ENTREP2: variants seen among roughly 807,000 people sequenced by gnomAD.
The protein encoded by ENTREP2 is protein ENTREP2.
chr15:29,381,930 G>A, the ENTREP2 span: 13 of 1,093,042 alleles, frequency 1.2e-5, no homozygotes, highest in African/African-American at 2.0e-4. Context: ...AGGACGTGTG[G>A]AACACAGCAC....
the ENTREP2 span, among the ~76,000 whole-genome samples, chr15:29,607,122 C>T: frequency 1.8e-4 from 28 of 152,280 alleles, no homozygotes; most frequent in East Asian, 1.2e-3. Context: ...CATGAGCCAC[C>T]GCATTCACAT....
chr15:29,577,313 G>GGTGTGTGT, the ENTREP2 span, among the ~76,000 whole-genome samples: 19,759 of 139,554 alleles, frequency 0.14, 1,475 homozygotes, highest in Admixed American at 0.18. Context: ...GACTCAAAGA[G>GGTGTGTGT]GTGTGTGTGT....
chr15:29,526,194 G>C, the ENTREP2 span, among the ~76,000 whole-genome samples: 1 of 152,150 alleles, frequency 6.6e-6, no homozygotes, highest in Non-Finnish European at 1.5e-5. Context: ...CTTTTCTGTA[G>C]AGTGAACTGA....
the ENTREP2 span, among the ~76,000 whole-genome samples, chr15:29,479,235 G>T: frequency 2.1e-5 from 3 of 146,248 alleles, no homozygotes; most frequent in South Asian, 6.5e-4. Context: ...AAAGTGTGTG[G>T]CACCTCTCCG....
At chr15:29,140,177 C>G in the ENTREP2 span, among the ~76,000 whole-genome samples, 1 of 152,208 alleles carries the variant, frequency 6.6e-6, no homozygotes, top group Non-Finnish European at 1.5e-5. Flanking sequence ...GTAACCTGCT[C>G]CCCGTAACTG....
the ENTREP2 span, among the ~76,000 whole-genome samples, chr15:29,620,974 G>C: frequency 6.6e-6 from 1 of 152,106 alleles, no homozygotes; most frequent in Non-Finnish European, 1.5e-5. Flanking sequence ...ATTATCCCAG[G>C]CATGTGGGAG....
chr15:29,611,991 C>G, the ENTREP2 span, among the ~76,000 whole-genome samples: 1 of 152,162 alleles, frequency 6.6e-6, no homozygotes, highest in African/African-American at 2.4e-5. Context: ...ATCAAATTCC[C>G]AAAATATGTG....
At chr15:29,526,491 T>C in the ENTREP2 span, among the ~76,000 whole-genome samples, 2 of 152,034 alleles carry the variant, frequency 1.3e-5, no homozygotes, top group South Asian at 4.2e-4. Flanking sequence ...AGAGACAGGG[T>C]TTCATTCCAT....
At chr15:29,507,219 T>C in the ENTREP2 span, among the ~76,000 whole-genome samples, 2 of 152,180 alleles carry the variant, frequency 1.3e-5, no homozygotes, top group Admixed American at 6.6e-5. Context: ...ATCCTAAATA[T>C]AGATGCACAC....
the ENTREP2 span, among the ~76,000 whole-genome samples, chr15:29,600,086 A>G: frequency 1.3e-5 from 2 of 152,260 alleles, no homozygotes; most frequent in Admixed American, 1.3e-4. Flanking sequence ...TAGCCTCTAT[A>G]CGGCTGGTGA....
At chr15:29,571,826 ACT>A in the ENTREP2 span, among the ~76,000 whole-genome samples, 1 of 152,022 alleles carries the variant, frequency 6.6e-6, no homozygotes, top group African/African-American at 2.4e-5. Flanking sequence ...CAACTTTAAG[ACT>A]CTGCTTGTGT....
chr15:29,513,390 T>C, the ENTREP2 span, among the ~76,000 whole-genome samples: 1 of 152,204 alleles, frequency 6.6e-6, no homozygotes, highest in East Asian at 1.9e-4. Context: ...AAAAGGAATT[T>C]TAAAACCCTA....
the ENTREP2 span, among the ~76,000 whole-genome samples, chr15:29,263,855 G>A: frequency 2.0e-5 from 3 of 152,112 alleles, no homozygotes. Context: ...CTAGGGCAGG[G>A]AGAGTTAAAG....
chr15:29,207,419 C>T, the ENTREP2 span, among the ~76,000 whole-genome samples: 1 of 145,706 alleles, frequency 6.9e-6, no homozygotes, highest in Non-Finnish European at 1.5e-5. Flanking sequence ...AGATCTTCCA[C>T]CTCCTACGAG....
chr15:29,375,974 C>A, the ENTREP2 span: 1 of 152,098 alleles, frequency 6.6e-6, no homozygotes, highest in Non-Finnish European at 1.5e-5. Context: ...AGGCAAAAAG[C>A]CAGATCCCTC....
the ENTREP2 span, among the ~76,000 whole-genome samples, chr15:29,130,449 C>A: frequency 1.3e-5 from 2 of 152,174 alleles, no homozygotes; most frequent in African/African-American, 4.8e-5. Flanking sequence ...TCCTGTGTCT[C>A]CCCTCCCGTA....
the ENTREP2 span, among the ~76,000 whole-genome samples, chr15:29,562,936 G>A: frequency 5.9e-5 from 9 of 152,090 alleles, no homozygotes; most frequent in African/African-American, 1.9e-4. Flanking sequence ...AACTACAGCT[G>A]TGTGCCACCA....
At chr15:29,456,621 C>A in the ENTREP2 span, among the ~76,000 whole-genome samples, 6 of 152,204 alleles carry the variant, frequency 3.9e-5, no homozygotes, top group African/African-American at 1.2e-4. Context: ...CAGGTGTTCA[C>A]AGCCGCAGAG....
At chr15:29,201,536 A>G in the ENTREP2 span, among the ~76,000 whole-genome samples, 1 of 152,232 alleles carries the variant, frequency 6.6e-6, no homozygotes, top group Non-Finnish European at 1.5e-5. Context: ...ACAGCCATGC[A>G]GTTTCTCTTC....
Sources: gnomAD v4.1 joint callset for allele counts (sites outside exome capture counted in the v4.1 genomes callset) on GRCh38, gnomAD v4.1.1 for gene constraint, MANE v1.5 for transcripts, NCBI Gene and HGNC (gene_info 2026-07-23, HGNC 2026-07-21) for gene names.